KCNH1: variants seen among roughly 807,000 people sequenced by gnomAD.
KCNH1 encodes the protein voltage-gated delayed rectifier potassium channel KCNH1.
A neutral mutation model predicts 69.2 loss-of-function variants in KCNH1; 27 were observed. The ratio of observed to expected loss-of-function variants is 0.39; its 90% confidence interval spans 0.29 to 0.54. KCNH1 has a LOEUF of 0.54. KCNH1 is among the 20% of genes least tolerant of loss of function. The probability of loss-of-function intolerance (pLI) is 0.68; values close to 1 mark genes in which losing one functional copy is unlikely to be tolerated. For synonymous variants in KCNH1, 456 were observed against 487.7 expected (o/e 0.93, Z 0.86); for missense variants, 798 against 1,261.6 (o/e 0.63, Z 5.57).
chr1:210,942,237 G>C (rs764332288), intron 6 of KCNH1, among the ~76,000 whole-genome samples: 2 of 152,110 alleles, frequency 1.3e-5, no homozygotes, highest in African/African-American at 2.4e-5. Context: ...CTGCTTTCTT[G>C]TTAGGAAAAC....
At chr1:210,774,378 C>T (rs1169836682) in intron 10 of KCNH1, among the ~76,000 whole-genome samples, 1 of 152,062 alleles carries the variant, frequency 6.6e-6, no homozygotes, top group Non-Finnish European at 1.5e-5. Flanking sequence ...AAAGTACTGA[C>T]TTAGAGTTGA....
chr1:210,780,671 G>A (rs1277663184), intron 9 of KCNH1, among the ~76,000 whole-genome samples: 4 of 152,230 alleles, frequency 2.6e-5, no homozygotes, highest in African/African-American at 9.6e-5. Flanking sequence ...GCAGCATAAA[G>A]CTGAAGCATG....
intron 10 of KCNH1, among the ~76,000 whole-genome samples, chr1:210,739,347 G>A (rs541627914): frequency 6.6e-6 from 1 of 152,268 alleles, no homozygotes; most frequent in African/African-American, 2.4e-5. Flanking sequence ...ACAACAGTAG[G>A]GTCAGTTATC....
chr1:210,739,416 G>C (rs1682963074), intron 10 of KCNH1, among the ~76,000 whole-genome samples: 1 of 152,118 alleles, frequency 6.6e-6, no homozygotes, highest in South Asian at 2.1e-4. Flanking sequence ...GAGTTAGGGA[G>C]CCCCCCCAAG....
At chr1:210,881,507 T>G (rs528192928) in intron 7 of KCNH1, among the ~76,000 whole-genome samples, 1 of 152,234 alleles carries the variant, frequency 6.6e-6, no homozygotes, top group Non-Finnish European at 1.5e-5. Flanking sequence ...CCAGCAATCC[T>G]ACTACTTGTT....
At chr1:211,090,237 A>C (rs1691028540) in intron 4 of KCNH1, among the ~76,000 whole-genome samples, 1 of 152,242 alleles carries the variant, frequency 6.6e-6, no homozygotes, top group African/African-American at 2.4e-5. Context: ...CATTGGTATG[A>C]CTGACATTTG....
At chr1:210,901,195 C>A (rs560654290) in intron 7 of KCNH1, among the ~76,000 whole-genome samples, 1 of 152,262 alleles carries the variant, frequency 6.6e-6, no homozygotes, top group East Asian at 1.9e-4. Flanking sequence ...ACCTAGTACA[C>A]CTCCATGAAC....
intron 10 of KCNH1, among the ~76,000 whole-genome samples, chr1:210,750,812 A>G (rs1278549538): frequency 1.3e-5 from 2 of 152,030 alleles, no homozygotes; most frequent in Non-Finnish European, 2.9e-5. Flanking sequence ...AGCAAACTGG[A>G]TGGGCAGATA....
chr1:210,828,472 G>A (rs1685084248), intron 7 of KCNH1, among the ~76,000 whole-genome samples: 1 of 152,098 alleles, frequency 6.6e-6, no homozygotes, highest in Admixed American at 6.6e-5. Context: ...TATTAGACAC[G>A]CTATCATTGT....
rs185236430 is a variant in KCNH1 at position 211,103,264 on chromosome 1, A to G, written c.310+232T>C. Among the ~76,000 whole-genome samples, 391 of 152,362 alleles carry G rather than the reference A, an allele frequency of 2.6e-3. 5 individuals carry two copies. The highest frequency in any genetic ancestry group is 2.9e-4 in the Non-Finnish European group (20 of 68,036). On this transcript the variant is annotated intron_variant, in intron 3 of 10. Transcript: ENST00000271751. ...AAAACACTAAGTCTCAGCAACAACA[A>G]TATAGATGAAGAAGGCTTAATTAGT...
intron 5 of KCNH1, among the ~76,000 whole-genome samples, chr1:211,041,664 C>T (rs2102432293): frequency 6.6e-6 from 1 of 152,314 alleles, no homozygotes; most frequent in East Asian, 1.9e-4. Context: ...ATAAGATCTA[C>T]ATTCTTGCTG....
intron 5 of KCNH1, among the ~76,000 whole-genome samples, chr1:211,065,372 T>G (rs1018066129): frequency 3.3e-5 from 5 of 152,106 alleles, no homozygotes; most frequent in Admixed American, 6.6e-5. Flanking sequence ...TTAAGTGAAA[T>G]AAGTCAAGCC....
At position 210,681,385 on chromosome 1, in the gene KCNH1, C is replaced by T. The variant is rs1215811414; in HGVS notation, c.*1896G>A. The T allele has an allele frequency of 1.3e-5, 2 of 152,240 alleles. No individual in the cohort carries two copies. The highest frequency in any genetic ancestry group is 6.5e-5 in the Admixed American group (1 of 15,280). The allele number at this position is 152,240 out of a possible 1,614,324, so 9.4% of individuals were successfully genotyped here. ...TCTGAGGCTAAATCTAATTATGTCG[C>T]AACCTGGAGAAGCCAGGGGCAGCCC... On this transcript the variant is annotated 3_prime_UTR_variant, in exon 11 of 11. Transcript: ENST00000271751.
chr1:211,119,110 C>T (rs190285289), intron 1 of KCNH1, among the ~76,000 whole-genome samples: 137 of 152,282 alleles, frequency 9.0e-4, no homozygotes, highest in African/African-American at 2.3e-3. Context: ...CCTGTAATCC[C>T]AGCACTTTGG....
At chr1:211,040,523 A>G (rs1271366075) in intron 5 of KCNH1, among the ~76,000 whole-genome samples, 1 of 152,134 alleles carries the variant, frequency 6.6e-6, no homozygotes, top group Non-Finnish European at 1.5e-5. Flanking sequence ...ACTTCCTGCC[A>G]TGATTCTGAG....
chr1:211,002,336 GTGTATATA>G (rs368789669), intron 6 of KCNH1, among the ~76,000 whole-genome samples: 11,903 of 141,394 alleles, frequency 0.084, 1,632 homozygotes, highest in African/African-American at 0.29. Flanking sequence ...ATGTGTGTGT[GTGTATATA>G]TATATATATA....
chr1:211,042,569 A>G (rs890354287), intron 5 of KCNH1, among the ~76,000 whole-genome samples: 3 of 152,234 alleles, frequency 2.0e-5, no homozygotes, highest in Non-Finnish European at 2.9e-5. Flanking sequence ...ATCAAGACAG[A>G]AAGTCAATAA....
At position 210,907,727 on chromosome 1, in the gene KCNH1, T is replaced by C. The variant is rs546758623; in HGVS notation, c.1462+11913A>G. On this transcript the variant is annotated intron_variant, in intron 7 of 10. Coordinates refer to ENST00000271751, the MANE Select transcript of KCNH1 (RefSeq NM_172362.3). ...ATTAGCACTTTGATGGAAAAAAAGA[T>C]CCATCCCAGTGGGGGTGGGGGTTCA... Among the ~76,000 whole-genome samples, 4 of 152,156 alleles carry C rather than the reference T, an allele frequency of 2.6e-5. No homozygotes were observed. In the South Asian group the frequency reaches 8.3e-4, roughly 32 times the overall value.
chr1:210,957,947 C>T (rs1688211224), intron 6 of KCNH1, among the ~76,000 whole-genome samples: 1 of 152,164 alleles, frequency 6.6e-6, no homozygotes, highest in Non-Finnish European at 1.5e-5. Flanking sequence ...TGAATTTGAT[C>T]CTGTCATTAT....
Sources: allele counts gnomAD v4.1 joint callset (sites outside exome capture counted in the v4.1 genomes callset), GRCh38; gene constraint gnomAD v4.1.1; transcripts MANE v1.5; gene names NCBI Gene and HGNC (gene_info 2026-07-23, HGNC 2026-07-21).